PDE4B: variants seen among roughly 807,000 people sequenced by gnomAD.
The protein encoded by PDE4B is 3',5'-cyclic-AMP phosphodiesterase 4B.
Under a neutral mutation model 82.2 loss-of-function variants are expected in PDE4B, and 20 were observed. The ratio of observed to expected loss-of-function variants is 0.24; its 90% CI spans 0.17 to 0.35. PDE4B has a LOEUF of 0.35. Ranked by LOEUF, PDE4B falls within the 10% of genes least tolerant of loss-of-function variation. The pLI is 1.00. For synonymous variants in PDE4B, 320 were observed against 318.9 expected, an observed-to-expected ratio of 1.00 and a Z score of -0.04; for missense variants, 655 against 907.2, an observed-to-expected ratio of 0.72 and a Z score of 3.57.
At chr1:66,189,024 A>G (rs975452881) in intron 3 of PDE4B, among the ~76,000 whole-genome samples, 3 of 151,402 alleles carry the variant, frequency 2.0e-5, no homozygotes, top group Admixed American at 6.6e-5. Flanking sequence ...TTTTAGGGCA[A>G]GCCTGGTGGT....
At chr1:66,224,059 C>T (rs556736188) in intron 3 of PDE4B, among the ~76,000 whole-genome samples, 2 of 152,144 alleles carry the variant, frequency 1.3e-5, no homozygotes, top group African/African-American at 4.8e-5. Context: ...TACCTTACAC[C>T]TTTTAGCTTA....
At chr1:66,212,899 A>G (rs942918801) in intron 3 of PDE4B, among the ~76,000 whole-genome samples, 2 of 152,178 alleles carry the variant, frequency 1.3e-5, no homozygotes, top group African/African-American at 4.8e-5. Flanking sequence ...ATACCCCTCA[A>G]AGATAACAGC....
intron 3 of PDE4B, among the ~76,000 whole-genome samples, chr1:66,067,774 C>A (rs1655937972): frequency 6.6e-6 from 1 of 151,896 alleles, no homozygotes; most frequent in African/African-American, 2.4e-5. Context: ...ATGCCTATGT[C>A]CTATGTCCTG....
intron 1 of PDE4B, among the ~76,000 whole-genome samples, chr1:65,824,163 ATTTTTT>A (rs1645987979): frequency 6.6e-6 from 1 of 152,044 alleles, no homozygotes; most frequent in African/African-American, 2.4e-5. Flanking sequence ...TTTTATTTTT[ATTTTTT>A]GTAAAATCAA....
At chr1:65,955,974 G>A (rs1649237684) in intron 3 of PDE4B, among the ~76,000 whole-genome samples, 1 of 152,102 alleles carries the variant, frequency 6.6e-6, no homozygotes, top group South Asian at 2.1e-4. Flanking sequence ...TAAGCAATAA[G>A]TATGGACATG....
intron 1 of PDE4B, among the ~76,000 whole-genome samples, chr1:65,823,396 T>TAAA (rs35854326): frequency 2.8e-5 from 2 of 70,438 alleles, no homozygotes; most frequent in East Asian, 4.2e-4. Context: ...ACTCCATCTC[T>TAAA]AAAAAAAAAA....
chr1:66,221,305 C>G (rs1423564921), intron 3 of PDE4B, among the ~76,000 whole-genome samples: 2 of 152,140 alleles, frequency 1.3e-5, no homozygotes, highest in Non-Finnish European at 2.9e-5. Flanking sequence ...TACCTCGGAT[C>G]ACATGCAAGC....
rs1336223346 is a variant in PDE4B, at chr1:66,257,794, T to C, written c.515T>C (p.Val172Ala). 6.2e-7 allele frequency: 1 copy of C among 1,613,006 alleles called. No individual in the cohort carries two copies. Among genetic ancestry groups the C allele is most frequent in the African/African-American group, 1.3e-5 (1 of 74,876 alleles). ...DDLIVTPFAQ[V>A]LASLRSVRNN... is the part of the protein sequence containing the mutation. ...CCGTTTAAAACATTTTTCTTCTAGG[T>C]CCTTGCCAGCTTGCGAAGTGTGAGA... The change falls in exon 6 of 17, where the codon GTC becomes GCC. Residue 172 changes from valine to alanine, a missense_variant and splice_region_variant. Val to Ala is a moderately conservative substitution (Grantham distance 64). Transcript: ENST00000341517.
At chr1:65,965,987 C>T (rs1321564765) in intron 3 of PDE4B, among the ~76,000 whole-genome samples, 2 of 152,048 alleles carry the variant, frequency 1.3e-5, no homozygotes, top group African/African-American at 2.4e-5. Flanking sequence ...AAAACTAGCA[C>T]AAGGAAAGGA....
At chr1:66,320,434 G>A (rs574323691) in intron 7 of PDE4B, among the ~76,000 whole-genome samples, 7 of 152,232 alleles carry the variant, frequency 4.6e-5, no homozygotes, top group South Asian at 2.1e-4. Context: ...ACACATGAAT[G>A]CAAAAGAAAG....
chr1:66,227,619 A>G (rs1651557665), intron 3 of PDE4B, among the ~76,000 whole-genome samples: 1 of 152,138 alleles, frequency 6.6e-6, no homozygotes, highest in African/African-American at 2.4e-5. Flanking sequence ...ATATCACTCT[A>G]CAGGAGACTG....
intron 3 of PDE4B, among the ~76,000 whole-genome samples, chr1:66,112,446 G>A (rs12124443): frequency 6.6e-6 from 1 of 152,152 alleles, no homozygotes; most frequent in Non-Finnish European, 1.5e-5. Flanking sequence ...GAATTAATTA[G>A]TTAAGTAACC....
At chr1:66,052,523 T>C (rs1025354504) in intron 3 of PDE4B, among the ~76,000 whole-genome samples, 16 of 151,470 alleles carry the variant, frequency 1.1e-4, no homozygotes, top group Admixed American at 1.1e-3. Context: ...GAAGTCCTAC[T>C]ACTGCTTTAG....
chr1:66,227,074 A>C (rs921546894), intron 3 of PDE4B, among the ~76,000 whole-genome samples: 1 of 152,248 alleles, frequency 6.6e-6, no homozygotes, highest in African/African-American at 2.4e-5. Flanking sequence ...GCTAGACAAG[A>C]GTGTCATTGA....
chr1:66,030,372 A>C (rs1485361531), intron 3 of PDE4B, among the ~76,000 whole-genome samples: 1 of 152,070 alleles, frequency 6.6e-6, no homozygotes, highest in Non-Finnish European at 1.5e-5. Flanking sequence ...TTGTAGGATG[A>C]GTTAGGGAGA....
intron 8 of PDE4B, 54 bp downstream of exon 8, chr1:66,332,674 T>A (rs1660214370): frequency 1.8e-5 from 26 of 1,466,968 alleles, no homozygotes; most frequent in Non-Finnish European, 2.5e-5. Flanking sequence ...GAGCTCCAGC[T>A]CCCCTCACCC....
rs374422534 is a variant in PDE4B at position 66,345,309 on chromosome 1, C to G, written c.748-10218C>G. 1.3e-3 allele frequency among the ~76,000 whole-genome samples: 197 copies of G among 152,250 alleles called. 2 individuals are homozygous for G. Among genetic ancestry groups the G allele is most frequent in the South Asian group, 7.0e-3 (34 of 4,826 alleles). On this transcript the variant is annotated intron_variant, in intron 8 of 16. Coordinates refer to ENST00000341517, the MANE Select transcript of PDE4B (RefSeq NM_002600.4). ...ATTATATTCTCGTATAACTTGTTAA[C>G]AAAACATATCATCACAGAATTTTAA... is the stretch of plus-strand genomic sequence containing the variant.
At chr1:65,895,021 G>A (rs1467146493) in intron 1 of PDE4B, among the ~76,000 whole-genome samples, 3 of 152,014 alleles carry the variant, frequency 2.0e-5, no homozygotes, top group African/African-American at 4.8e-5. Flanking sequence ...CTCAGAAATC[G>A]CAGTCTTAGC....
At chr1:66,117,304 T>C (rs1167356298) in intron 3 of PDE4B, among the ~76,000 whole-genome samples, 2 of 152,104 alleles carry the variant, frequency 1.3e-5, no homozygotes, top group Non-Finnish European at 2.9e-5. Flanking sequence ...ATCGAATTCA[T>C]GGGCCAAGAT....
Sources: gnomAD v4.1 joint callset for allele counts (sites outside exome capture counted in the v4.1 genomes callset) on GRCh38, gnomAD v4.1.1 for gene constraint, MANE v1.5 for transcripts, NCBI Gene and HGNC (gene_info 2026-07-23, HGNC 2026-07-21) for gene names.